PRDM10: variants seen among roughly 807,000 people sequenced by gnomAD.
The protein encoded by PRDM10 is PR domain zinc finger protein 10.
PRDM10 carries 65 observed loss-of-function variants against 133.1 expected under a neutral mutation model. That is an observed-to-expected ratio of 0.49 (90% confidence interval 0.40 to 0.60). The LOEUF (loss-of-function observed/expected upper bound fraction) is 0.60, where lower values mean the gene tolerates loss of function less well. Ranked by LOEUF, PRDM10 falls within the 20% of genes least tolerant of loss-of-function variation. The pLI is 0.00. For missense variants in PRDM10, 1,137 were observed against 1,507.1 expected, an observed-to-expected ratio of 0.75 and a Z score of 4.07; for synonymous variants, 582 against 580.4, an observed-to-expected ratio of 1.00 and a Z score of -0.04.
At chr11:129,920,123 A>G (rs1197696761) in intron 13 of PRDM10, among the ~76,000 whole-genome samples, 4 of 152,098 alleles carry the variant, frequency 2.6e-5, no homozygotes, top group Non-Finnish European at 5.9e-5. Context: ...TTTTCTAAGC[A>G]TCAACATTCA....
chr11:129,957,139 T>C (rs1219880975), intron 3 of PRDM10, among the ~76,000 whole-genome samples: 1 of 152,244 alleles, frequency 6.6e-6, no homozygotes, highest in African/African-American at 2.4e-5. Context: ...TGAAATAATC[T>C]GTATGTTTTC....
chr11:129,974,668 C>G (rs1213593108), intron 1 of PRDM10, among the ~76,000 whole-genome samples: 1 of 152,132 alleles, frequency 6.6e-6, no homozygotes, highest in African/African-American at 2.4e-5. Context: ...ATCTGAGGAC[C>G]AGGATATGGG....
chr11:129,947,452 C>T lies in PRDM10; in HGVS notation c.295-82G>A, dbSNP rs369888131. ...CTGGTGCCTGCTGGCACAAACAGGG[C>T]GCAAGGGCTGGCTGAAATCTAGTCT... On this transcript the variant is annotated intron_variant, in intron 4 of 20. Transcript: ENST00000360871. This position sits in a 1 kb window ranked among gnomAD's most constrained non-coding sequence, Gnocchi z 4.6. 5.7e-5 allele frequency: 90 copies of T among 1,586,272 alleles called. No individual in the cohort carries two copies. Among genetic ancestry groups the T allele is most frequent in the East Asian group, 1.1e-4 (5 of 44,450 alleles).
intron 6 of PRDM10, among the ~76,000 whole-genome samples, chr11:129,942,962 C>G (rs549517235): frequency 1.3e-5 from 2 of 152,302 alleles, no homozygotes; most frequent in East Asian, 3.9e-4. Context: ...TACAATTTGC[C>G]TCCTTTTGGG....
chr11:129,996,550 C>T (rs1939074417), intron 1 of PRDM10, among the ~76,000 whole-genome samples: 1 of 152,142 alleles, frequency 6.6e-6, no homozygotes, highest in South Asian at 2.1e-4. Flanking sequence ...CCATATGGCC[C>T]ACAAAGCCAA....
chr11:129,977,048 C>A (rs1937797740), intron 1 of PRDM10, among the ~76,000 whole-genome samples: 2 of 152,074 alleles, frequency 1.3e-5, no homozygotes, highest in South Asian at 2.1e-4. Context: ...CTCACCCCCA[C>A]CACGTGACAC....
chr11:129,934,023 T>C (rs2135825736), intron 9 of PRDM10, among the ~76,000 whole-genome samples: 1 of 152,314 alleles, frequency 6.6e-6, no homozygotes, highest in Admixed American at 6.5e-5. Flanking sequence ...CTTGATGTTC[T>C]CTCCCCTTCT....
Position 129,937,677 on chromosome 11 carries a change from G to T in PRDM10, c.967-7C>A. On this transcript the variant is annotated splice_polypyrimidine_tract_variant and splice_region_variant and intron_variant, in intron 7 of 20. Coordinates refer to ENST00000360871, the MANE Select transcript of PRDM10 (RefSeq NM_199437.2). ...AGGATGCGGCATACCACACCTGCAA[G>T]AAGCAAGTATATCATCAAGAACTGG... The T allele has an allele frequency of 6.2e-7, 1 of 1,611,324 alleles. No individual in the cohort carries two copies. The highest frequency in any genetic ancestry group is 1.1e-5 in the South Asian group (1 of 90,344).
At chr11:129,940,617 T>C (rs1386432221) in intron 7 of PRDM10, among the ~76,000 whole-genome samples, 8 of 152,244 alleles carry the variant, frequency 5.3e-5, no homozygotes, top group Non-Finnish European at 1.0e-4. Context: ...ATTTGTTACA[T>C]AGGTAAACAT....
intron 16 of PRDM10, 22 bp from the exon 17 acceptor site, chr11:129,915,040 C>T: frequency 1.3e-6 from 2 of 1,555,970 alleles, no homozygotes; most frequent in East Asian, 4.6e-5. Context: ...AGGCAAAAAA[C>T]AAGAATAATT....
At chr11:129,958,454 C>A (rs1215106628) in intron 2 of PRDM10, among the ~76,000 whole-genome samples, 3 of 151,980 alleles carry the variant, frequency 2.0e-5, no homozygotes, top group Non-Finnish European at 4.4e-5. Context: ...CCAGCCTGGC[C>A]AACATGGTGA....
intron 7 of PRDM10, 115 bp downstream of exon 7, chr11:129,942,311 G>A: frequency 1.0e-6 from 1 of 997,110 alleles, no homozygotes; most frequent in Non-Finnish European, 1.5e-6. Context: ...ACCAGAAAAT[G>A]ACCCCCCTCC....
Position 129,904,045 on chromosome 11 carries a change from C to T in PRDM10, c.3268-1529G>A, listed in dbSNP as rs139241746. Among the ~76,000 whole-genome samples the T allele has an allele frequency of 5.5e-3, 829 of 150,682 alleles. 4 individuals carry two copies. Among genetic ancestry groups the T allele is most frequent in the African/African-American group, 0.019 (792 of 41,002 alleles). On this transcript the variant is annotated intron_variant, in intron 20 of 20. Coordinates refer to ENST00000360871, the MANE Select transcript of PRDM10 (RefSeq NM_199437.2). Reference sequence around the variant, plus strand: ...CAATATGATTATCTCATTTTACATTCGTTACTGTTTTCACTGACAATTAAT... The same window carrying T: ...CAATATGATTATCTCATTTTACATTTGTTACTGTTTTCACTGACAATTAAT...
Position 129,961,043 on chromosome 11 carries a change from G to C in PRDM10, c.-79C>G. 7.4e-7 allele frequency: 1 copy of C among 1,351,386 alleles called. No individual in the cohort carries two copies. Among genetic ancestry groups the C allele is most frequent in the Non-Finnish European group, 1.1e-6 (1 of 952,230 alleles). 83.7% of individuals were successfully genotyped at this position (1,351,386 alleles called of 1,614,324 possible). ...CAGGACAGTCATCTGTCTACCACAC[G>C]TGTGTTCATGAAGGACGGAAAGGTC... On this transcript the variant is annotated 5_prime_UTR_variant, in exon 2 of 21. Transcript: ENST00000360871.
intron 4 of PRDM10, among the ~76,000 whole-genome samples, chr11:129,952,843 A>G (rs1356072650): frequency 1.3e-5 from 2 of 152,074 alleles, no homozygotes; most frequent in East Asian, 1.9e-4. Flanking sequence ...TCTTATTTCA[A>G]CTAATCTCCT....
chr11:129,902,649 A>G (rs935603215), intron 20 of PRDM10, 133 bp from the exon 21 acceptor site: 2 of 1,380,456 alleles, frequency 1.4e-6, no homozygotes, highest in Middle Eastern at 4.9e-4. Context: ...TGCTTTGCCT[A>G]GGTCCTTTAG....
chr11:129,900,275 G>A lies in PRDM10; in HGVS notation c.*2038C>T, dbSNP rs949592321. On this transcript the variant is annotated 3_prime_UTR_variant, in exon 21 of 21. Coordinates refer to ENST00000360871, the MANE Select transcript of PRDM10 (RefSeq NM_199437.2). ...ATCTGAAAGCCATGCGATTTGGCTC[G>A]ACTGCCATCCGCATCTCTGGCTGAT... 2 of 152,174 alleles carry A rather than the reference G, an allele frequency of 1.3e-5. No homozygotes were observed. The highest frequency in any genetic ancestry group is 1.5e-5 in the Non-Finnish European group (1 of 68,038). The allele number at this position is 152,174 out of a possible 1,614,324, so 9.4% of individuals were successfully genotyped here. A position where few individuals can be genotyped will look rare whatever the true frequency, so the allele number is the denominator to read the frequency against.
At chr11:129,929,641 G>T (rs1476089347) in intron 11 of PRDM10, among the ~76,000 whole-genome samples, 2 of 151,706 alleles carry the variant, frequency 1.3e-5, no homozygotes, top group African/African-American at 4.8e-5. Flanking sequence ...AAGGAACCTT[G>T]CACCAAAACC....
intron 1 of PRDM10, among the ~76,000 whole-genome samples, chr11:129,966,158 C>T (rs1423093949): frequency 6.6e-6 from 1 of 152,040 alleles, no homozygotes; most frequent in Non-Finnish European, 1.5e-5. Flanking sequence ...GCGGGAGAAT[C>T]GCCTGAACCT....
Sources: allele counts gnomAD v4.1 joint callset (sites outside exome capture counted in the v4.1 genomes callset), GRCh38; gene constraint gnomAD v4.1.1; non-coding constraint Gnocchi (gnomAD v3.1); transcripts MANE v1.5; gene names NCBI Gene and HGNC (gene_info 2026-07-23, HGNC 2026-07-21).